The following SLC13A2 variants were observed in gnomAD, a reference collection of about 807,000 sequenced individuals.
SLC13A2 encodes the protein Na(+)-coupled citrate transporter.
In SLC13A2, 40 loss-of-function variants were observed where a neutral mutation model predicts 58.5. That is an observed-to-expected ratio of 0.68 (90% CI 0.53 to 0.89). The LOEUF (loss-of-function observed/expected upper bound fraction) is 0.89. Ranked by LOEUF, SLC13A2 falls within the 40% of genes least tolerant of loss-of-function variation. The probability of loss-of-function intolerance (pLI) is 0.00; values close to 1 mark genes in which losing one functional copy is unlikely to be tolerated. For missense variants in SLC13A2, 694 were observed against 772.6 expected (o/e 0.90, Z 1.21); for synonymous variants, 341 against 331.6 (o/e 1.03, Z -0.31).
intron 1 of SLC13A2, among the ~76,000 whole-genome samples, chr17:28,477,815 C>CT: frequency 8.1e-6 from 1 of 123,372 alleles, no homozygotes; most frequent in African/African-American, 2.5e-5. Flanking sequence ...CTTTGGGAGG[C>CT]GGGCGCCCAA....
chr17:28,479,360 G>A (rs555929066), intron 1 of SLC13A2, among the ~76,000 whole-genome samples: 13 of 152,298 alleles, frequency 8.5e-5, no homozygotes, highest in African/African-American at 2.6e-4. Flanking sequence ...TTGGGGGCTC[G>A]AGTGAGGCCT....
intron 1 of SLC13A2, among the ~76,000 whole-genome samples, chr17:28,485,801 A>G (rs1429038971): frequency 6.6e-6 from 1 of 152,046 alleles, no homozygotes; most frequent in East Asian, 1.9e-4. Context: ...AGCCTGGGCA[A>G]CAAAGCAAGA....
chr17:28,477,108 T>C (rs1352269828), intron 1 of SLC13A2, among the ~76,000 whole-genome samples: 65 of 151,020 alleles, frequency 4.3e-4, no homozygotes, highest in Non-Finnish European at 3.1e-4. Context: ...TGCAGTGAGC[T>C]GAGATCACGC....
intron 7 of SLC13A2, 104 bp downstream of exon 7, chr17:28,493,893 G>C (rs1555604102): frequency 1.3e-6 from 2 of 1,482,368 alleles, no homozygotes; most frequent in South Asian, 1.2e-5. Context: ...GTAACACTTG[G>C]TGGGGGATGA....
chr17:28,491,064 A>T (rs1356839377), intron 4 of SLC13A2, among the ~76,000 whole-genome samples, 158 bp downstream of exon 4: 1 of 152,170 alleles, frequency 6.6e-6, no homozygotes, highest in Non-Finnish European at 1.5e-5. Context: ...TTTTTTAAAA[A>T]ATGTCAAGTA....
intron 1 of SLC13A2, among the ~76,000 whole-genome samples, chr17:28,476,454 C>G (rs1455731593): frequency 9.2e-5 from 14 of 152,090 alleles, no homozygotes; most frequent in Non-Finnish European, 1.5e-5. Flanking sequence ...TCCTGTCAAA[C>G]TTAGGATAAA....
chr17:28,483,776 A>G (rs1322871144), intron 1 of SLC13A2, among the ~76,000 whole-genome samples: 1 of 152,268 alleles, frequency 6.6e-6, no homozygotes, highest in African/African-American at 2.4e-5. Flanking sequence ...AAATGTGTTT[A>G]CAGCAGCGAA....
At chr17:28,478,310 C>T (rs1197184502) in intron 1 of SLC13A2, among the ~76,000 whole-genome samples, 1 of 152,236 alleles carries the variant, frequency 6.6e-6, no homozygotes, top group Admixed American at 6.5e-5. Context: ...AGTCCTCCCA[C>T]CATACTTCAG....
chr17:28,493,081 A>G (rs1170291845), intron 6 of SLC13A2, among the ~76,000 whole-genome samples: 1 of 152,218 alleles, frequency 6.6e-6, no homozygotes, highest in African/African-American at 2.4e-5. Flanking sequence ...AGATTTACCC[A>G]AGTGGAAAGT....
In SLC13A2 at chr17:28,494,656, G is replaced by A; in HGVS notation, c.1308+144G>A. On this transcript the variant is annotated intron_variant, in intron 9 of 11. Coordinates refer to ENST00000314669, the MANE Select transcript of SLC13A2 (RefSeq NM_003984.4). This position sits in a 1 kb window ranked among gnomAD's most constrained non-coding sequence, Gnocchi z 4.0. Reference sequence around the variant, plus strand: ...GGTAGGCAGAGCCTTTGCAGCAGCTGGGAAGACTTAGGTTAGAGCCCTCAT... The same window carrying A: ...GGTAGGCAGAGCCTTTGCAGCAGCTAGGAAGACTTAGGTTAGAGCCCTCAT... 1 of 1,222,582 alleles carries A rather than the reference G, an allele frequency of 8.2e-7. No homozygotes were observed. The highest frequency in any genetic ancestry group is 1.1e-6 in the Non-Finnish European group (1 of 888,366). 75.7% of individuals were successfully genotyped at this position (1,222,582 alleles called of 1,614,324 possible). A position where few individuals can be genotyped will look rare whatever the true frequency, so the allele number is the denominator to read the frequency against.
intron 2 of SLC13A2, 32 bp downstream of exon 2, chr17:28,489,374 G>A (rs1267292663): frequency 3.1e-6 from 5 of 1,598,668 alleles, no homozygotes; most frequent in Non-Finnish European, 4.3e-6. Context: ...AAGCGTTCTG[G>A]GCAGTGCGGG....
chr17:28,489,471 GCAT>G lies in SLC13A2; in HGVS notation c.231+130_231+132del. The G allele has an allele frequency of 3.6e-6, 4 of 1,111,430 alleles. No homozygotes were observed. The South Asian group carries it at 8.0e-5, about 22-fold the overall frequency. 68.8% of individuals were successfully genotyped at this position (1,111,430 alleles called of 1,614,324 possible). A position where few individuals can be genotyped will look rare whatever the true frequency, so the allele number is the denominator to read the frequency against. ...ACATGGATTAGGGGTTCCTGACTCT[GCAT>G]GAGGAAGAAGTCAGCTAGAAGGCTG... On this transcript the variant is annotated intron_variant, in intron 2 of 11. Coordinates refer to ENST00000314669, the MANE Select transcript of SLC13A2 (RefSeq NM_003984.4).
chr17:28,479,649 A>T (rs986925310), intron 1 of SLC13A2, among the ~76,000 whole-genome samples: 47 of 152,380 alleles, frequency 3.1e-4, no homozygotes, highest in Middle Eastern at 3.4e-3. Flanking sequence ...TTGTAAGGCC[A>T]GAAGGCAGAA....
Position 28,496,504 on chromosome 17 carries a change from A to G in SLC13A2, c.1525A>G (p.Thr509Ala), listed in dbSNP as rs1209422492. Residue 509 changes from threonine (T) to alanine (A), a missense_variant, in exon 11 of 12, where the codon ACC becomes GCC. By Grantham distance (58) the Thr-to-Ala change is moderately conservative (BLOSUM62 0). Transcript: ENST00000314669. This position sits in a 1 kb window ranked among gnomAD's most constrained non-coding sequence, Gnocchi z 4.2. ...LYVMLPCTLA[T>A]SLAFMLPVAT... ...CGTCATGCTCCCCTGCACTCTGGCC[A>G]CCTCCCTGGCCTTCATGTTGCCTGT... 28 of 1,612,002 alleles carry G rather than the reference A, an allele frequency of 1.7e-5. No homozygotes were observed. The Admixed American group carries it at 4.7e-4, about 27-fold the overall frequency.
Position 28,477,186 on chromosome 17 carries a change from G to GTT in SLC13A2, c.102+3377_102+3378dup, listed in dbSNP as rs1251199584. On this transcript the variant is annotated intron_variant, in intron 1 of 11. Transcript: ENST00000314669. ...AAAAAAACAAATAAAAAACACCCAAGTTTTTTGTTTTTTTTTTTTTTTTTT... is the reference window on the plus strand; with the variant it reads ...AAAAAAACAAATAAAAAACACCCAAGTTTTTTTTGTTTTTTTTTTTTTTTTTT... 1.1e-3 allele frequency among the ~76,000 whole-genome samples: 135 copies of GTT among 119,422 alleles called. 7 individuals are homozygous for GTT. Among genetic ancestry groups the GTT allele is most frequent in the African/African-American group, 2.9e-3 (85 of 29,366 alleles). The allele number at this position is 119,422 out of a possible 152,430, so 78.3% of individuals were successfully genotyped here.
chr17:28,491,197 G>A (rs112943389), intron 4 of SLC13A2, among the ~76,000 whole-genome samples: 2 of 152,296 alleles, frequency 1.3e-5, no homozygotes, highest in African/African-American at 4.8e-5. Context: ...GAGTGGTTTG[G>A]GTAATCCTCG....
At position 28,495,739 on chromosome 17, in the gene SLC13A2, C is replaced by T; in HGVS notation, c.1393C>T (p.Leu465Phe). Residue 465 changes from leucine to phenylalanine, a missense_variant, in exon 10 of 12, where the codon CTC (leucine) becomes TTC (phenylalanine). By Grantham distance (22) the Leu-to-Phe change is conservative. Transcript: ENST00000314669. ...TCCAGCCATTGCCATCATCCTCTCC[C>T]TCCTGGTGGCCACCTTCACCGAGTG... Reference protein sequence around the residue: ...PAPAIAIILSLLVATFTECTS... With the variant: ...PAPAIAIILSFLVATFTECTS... The T allele has an allele frequency of 6.2e-7, 1 of 1,613,394 alleles. No individual in the cohort carries two copies. The highest frequency in any genetic ancestry group is 1.1e-5 in the South Asian group (1 of 91,080).
Position 28,489,262 on chromosome 17 carries a change from A to C in SLC13A2, c.151A>C (p.Thr51Pro), listed in dbSNP as rs1555602610. 6.2e-7 allele frequency: 1 copy of C among 1,613,922 alleles called. No individual in the cohort carries two copies. Among genetic ancestry groups the C allele is most frequent in the Non-Finnish European group, 8.5e-7 (1 of 1,180,016 alleles). Residue 51 changes from threonine to proline, a missense_variant, in exon 2 of 12, where the codon ACT becomes CCT. By Grantham distance (38) the Thr-to-Pro change is conservative. Coordinates refer to ENST00000314669, the MANE Select transcript of SLC13A2 (RefSeq NM_003984.4). ...AIILMALFWC[T>P]EALPLAVTAL... is the part of the protein sequence containing the mutation. ...CATCCTCATGGCGCTCTTCTGGTGC[A>C]CTGAGGCCCTGCCCCTGGCCGTCAC... is the stretch of plus-strand genomic sequence containing the variant.
Position 28,495,704 on chromosome 17 carries a change from G to A in SLC13A2, c.1358G>A (p.Ser453Asn). The change falls in exon 10 of 12, where the codon AGT (serine) becomes AAT (asparagine). Residue 453 changes from serine (S) to asparagine (N), a missense_variant. Ser to Asn is a conservative substitution (Grantham distance 46). Transcript: ENST00000314669. ...GGAAACAAGCTGACCCCACTGCAGA[G>A]TGTGCCAGCTCCAGCCATTGCCATC... The part of the protein sequence containing the change: ...WLGNKLTPLQ[S>N]VPAPAIAIIL... 1 of 1,612,470 alleles carries A rather than the reference G, an allele frequency of 6.2e-7. No individual in the cohort carries two copies. The highest frequency in any genetic ancestry group is 8.5e-7 in the Non-Finnish European group (1 of 1,179,954).
Sources: allele counts gnomAD v4.1 joint callset (sites outside exome capture counted in the v4.1 genomes callset), GRCh38; gene constraint gnomAD v4.1.1; non-coding constraint Gnocchi (gnomAD v3.1); transcripts MANE v1.5; gene names NCBI Gene and HGNC (gene_info 2026-07-23, HGNC 2026-07-21).